The following RBM20 variants were observed in gnomAD, a reference collection of about 807,000 sequenced individuals.
RBM20 encodes RNA-binding protein 20.
Under a neutral mutation model 110.1 loss-of-function variants are expected in RBM20, and 51 were observed. That is an observed-to-expected ratio of 0.46 (90% CI 0.37 to 0.59). The LOEUF is 0.59. RBM20 is among the 20% of genes least tolerant of loss of function. The pLI is 0.00. For missense variants in RBM20, 1,512 were observed against 1,574.9 expected (o/e 0.96, Z 0.68); for synonymous variants, 589 against 618.2 (o/e 0.95, Z 0.70).
At chr10:110,747,900 T>C (rs951138353) in intron 1 of RBM20, among the ~76,000 whole-genome samples, 4 of 151,732 alleles carry the variant, frequency 2.6e-5, no homozygotes, top group Non-Finnish European at 1.5e-5. Context: ...GAAAACTTTT[T>C]AGAAAGTTTT....
At position 110,718,704 on chromosome 10, in the gene RBM20, G is replaced by A. The variant is rs146147137; in HGVS notation, c.192-62097G>A. ...TCTACTCACTACAACATCCGCCTCC[G>A]AGGTTCAAGCTATTCTTCTGCCTCA... On this transcript the variant is annotated intron_variant, in intron 1 of 13. Coordinates refer to ENST00000369519, the MANE Select transcript of RBM20 (RefSeq NM_001134363.3). Among the ~76,000 whole-genome samples, 447 of 147,222 alleles carry A rather than the reference G, an allele frequency of 3.0e-3. 3 individuals carry two copies. Among genetic ancestry groups the A allele is most frequent in the African/African-American group, 9.9e-3 (395 of 39,946 alleles).
At chr10:110,684,534 T>C (rs1862473485) in intron 1 of RBM20, among the ~76,000 whole-genome samples, 1 of 150,746 alleles carries the variant, frequency 6.6e-6, no homozygotes, top group African/African-American at 2.4e-5. Flanking sequence ...ATATGGGGAG[T>C]TTCTGATTTG....
chr10:110,703,004 T>A (rs12357933), intron 1 of RBM20, among the ~76,000 whole-genome samples: 1 of 99,626 alleles, frequency 1.0e-5, no homozygotes. Flanking sequence ...TTTTTTTTTG[T>A]TTTTTTTTTT....
chr10:110,702,351 C>T (rs1352769894), intron 1 of RBM20, among the ~76,000 whole-genome samples: 1 of 151,912 alleles, frequency 6.6e-6, no homozygotes, highest in African/African-American at 2.4e-5. Flanking sequence ...AGTGAGACCC[C>T]CCCATCTCTA....
chr10:110,757,370 G>T (rs545797734), intron 1 of RBM20, among the ~76,000 whole-genome samples: 1 of 152,290 alleles, frequency 6.6e-6, no homozygotes, highest in East Asian at 1.9e-4. Context: ...GTTTGGCCAT[G>T]GGGTTCATGT....
At chr10:110,645,632 T>C (rs1482641495) in intron 1 of RBM20, among the ~76,000 whole-genome samples, 9 of 152,250 alleles carry the variant, frequency 5.9e-5, no homozygotes, top group Admixed American at 4.6e-4. Flanking sequence ...TAAAACTTAG[T>C]AACAGAAAGA....
At chr10:110,669,725 T>C (rs1241859741) in intron 1 of RBM20, among the ~76,000 whole-genome samples, 2 of 152,204 alleles carry the variant, frequency 1.3e-5, no homozygotes, top group African/African-American at 4.8e-5. Context: ...TCTGGCCTGG[T>C]TGTAGTACAT....
rs375200447 is a variant in RBM20, at chr10:110,781,051, G to A, written c.442G>A (p.Gly148Ser). Residue 148 changes from glycine to serine, a missense_variant, in exon 2 of 14, where the codon GGC becomes AGC. Coordinates refer to ENST00000369519, the MANE Select transcript of RBM20 (RefSeq NM_001134363.3). ...RHPSVITGPHGHAGVPQHAAA... is the reference protein window; with the variant it reads ...RHPSVITGPHSHAGVPQHAAA... Reference sequence around the variant, plus strand: ...TCCGTCTGTGATCACTGGCCCCCACGGCCATGCTGGGGTTCCCCAACATGC... The same window carrying A: ...TCCGTCTGTGATCACTGGCCCCCACAGCCATGCTGGGGTTCCCCAACATGC... 41 of 1,551,816 alleles carry A rather than the reference G, an allele frequency of 2.6e-5. No homozygotes were observed. The Admixed American group carries it at 3.5e-4, about 13-fold the overall frequency.
intron 7 of RBM20, among the ~76,000 whole-genome samples, chr10:110,807,214 C>T (rs1190493048): frequency 6.6e-6 from 1 of 152,204 alleles, no homozygotes; most frequent in East Asian, 1.9e-4. Flanking sequence ...CTGGTGCTGG[C>T]TGTGTGAAGA....
chr10:110,680,427 G>A (rs571413734), intron 1 of RBM20, among the ~76,000 whole-genome samples: 6 of 152,254 alleles, frequency 3.9e-5, no homozygotes, highest in South Asian at 2.1e-4. Flanking sequence ...TCAGGGGTTC[G>A]GTTCTCTCAA....
chr10:110,702,620 G>A (rs11195274), intron 1 of RBM20, among the ~76,000 whole-genome samples: 6,294 of 152,284 alleles, frequency 0.041, 243 homozygotes, highest in East Asian at 0.2. Context: ...CTTTCCCCTG[G>A]GTGTTGGGAA....
chr10:110,834,285 C>T (rs999896065), intron 13 of RBM20, among the ~76,000 whole-genome samples: 1 of 152,126 alleles, frequency 6.6e-6, no homozygotes, highest in Non-Finnish European at 1.5e-5. Flanking sequence ...CCATCAGCAG[C>T]TTTGCCTGCT....
At chr10:110,743,262 C>T (rs1055018491) in intron 1 of RBM20, among the ~76,000 whole-genome samples, 1 of 152,146 alleles carries the variant, frequency 6.6e-6, no homozygotes, top group African/African-American at 2.4e-5. Context: ...TCTAAACCTC[C>T]AATGGGGTAA....
chr10:110,818,437 C>T (rs1052055118), intron 9 of RBM20, among the ~76,000 whole-genome samples: 2 of 151,850 alleles, frequency 1.3e-5, no homozygotes, highest in Non-Finnish European at 1.5e-5. Context: ...CGAAGTGGTT[C>T]GGTAGCCCGG....
chr10:110,830,290 C>T (rs1845033875), intron 12 of RBM20, among the ~76,000 whole-genome samples: 3 of 152,236 alleles, frequency 2.0e-5, no homozygotes, highest in Admixed American at 2.0e-4. Flanking sequence ...GTGACATTGT[C>T]ACTCCTCTCT....
chr10:110,691,841 CAT>C (rs1267387503), intron 1 of RBM20, among the ~76,000 whole-genome samples: 1 of 152,116 alleles, frequency 6.6e-6, no homozygotes, highest in Non-Finnish European at 1.5e-5. Flanking sequence ...CCCAAGAAGT[CAT>C]TGCCAAATCC....
At chr10:110,682,860 A>G (rs1009252306) in intron 1 of RBM20, among the ~76,000 whole-genome samples, 1 of 152,250 alleles carries the variant, frequency 6.6e-6, no homozygotes, top group African/African-American at 2.4e-5. Context: ...CTTGCCTATA[A>G]TAGTTATCAT....
At position 110,831,082 on chromosome 10, in the gene RBM20, G is replaced by C. The variant is rs552858236; in HGVS notation, c.3473G>C (p.Arg1158Thr). 4 of 1,551,450 alleles carry C rather than the reference G, an allele frequency of 2.6e-6. No individual in the cohort carries two copies. The South Asian group carries it at 4.8e-5, about 18-fold the overall frequency. ...IPLGVEFVVP[R>T]TGFYCKLCGL... ...CCAGGGGTGGAGTTCGTGGTTCCCA[G>C]GACTGGCTTTTATTGCAAGCTGTGT... Residue 1158 changes from arginine to threonine, a missense_variant, in exon 13 of 14, where the codon AGG becomes ACG. Physicochemically the swap from Arg to Thr is moderately conservative, Grantham distance 71. This residue lies in a region of RBM20 where 358 missense variants were observed against 384.2 expected (regional missense o/e 0.93). Transcript: ENST00000369519.
chr10:110,758,559 T>C (rs1381503371), intron 1 of RBM20, among the ~76,000 whole-genome samples: 2 of 152,198 alleles, frequency 1.3e-5, no homozygotes, highest in African/African-American at 4.8e-5. Flanking sequence ...TTTGAGAAGA[T>C]GACAGTAGCA....
Sources: gnomAD v4.1 joint callset for allele counts (sites outside exome capture counted in the v4.1 genomes callset) on GRCh38, gnomAD v4.1.1 for gene constraint, gnomAD v4.1.1 regional missense constraint, MANE v1.5 for transcripts, NCBI Gene and HGNC (gene_info 2026-07-23, HGNC 2026-07-21) for gene names.